STK32C: variants seen among roughly 807,000 people sequenced by gnomAD.
The protein encoded by STK32C is serine/threonine kinase 32C.
Under a neutral mutation model 56.5 loss-of-function variants are expected in STK32C, and 31 were observed. The observed-to-expected ratio is 0.55, with a 90% CI of 0.41 to 0.74. The LOEUF (loss-of-function observed/expected upper bound fraction) is 0.74. Among genes scored for constraint, STK32C ranks in the 30% least tolerant of loss-of-function variants. The probability of loss-of-function intolerance (pLI) is 0.00; values close to 1 mark genes in which losing one functional copy is unlikely to be tolerated. For synonymous variants in STK32C, 309 were observed against 289.4 expected (o/e 1.07, Z -0.69); for missense variants, 544 against 676.9 (o/e 0.80, Z 2.18).
At chr10:132,271,217 C>T (rs2064810469) in intron 1 of STK32C, among the ~76,000 whole-genome samples, 1 of 152,180 alleles carries the variant, frequency 6.6e-6, no homozygotes, top group African/African-American at 2.4e-5. Flanking sequence ...AAGAGTGTCC[C>T]TGGGCTCAGG....
chr10:132,313,856 C>A lies in STK32C; in HGVS notation c.301+17580G>T, dbSNP rs529098991. Among the ~76,000 whole-genome samples the A allele has an allele frequency of 2.6e-5, 4 of 152,348 alleles. No individual in the cohort carries two copies. In the South Asian group the frequency reaches 8.3e-4, roughly 32 times the overall value. ...TCATGAGCTCCGTGGAAGGTGCTAG[C>A]TCTGGCTTCCTGAAAGGCTGCTGAA... On this transcript the variant is annotated intron_variant, in intron 1 of 3. Transcript: ENST00000368620.
chr10:132,238,352 T>C (rs1348742369), intron 2 of STK32C, among the ~76,000 whole-genome samples: 1 of 152,044 alleles, frequency 6.6e-6, no homozygotes, highest in Non-Finnish European at 1.5e-5. Context: ...GACCGTTCGT[T>C]ATAGTTACCA....
Position 132,230,049 on chromosome 10 carries a change from G to A in STK32C, c.319-1921C>T, listed in dbSNP as rs1381591073. 3.9e-5 allele frequency among the ~76,000 whole-genome samples: 6 copies of A among 152,196 alleles called. No homozygotes were observed. The East Asian group carries it at 5.8e-4, about 15-fold the overall frequency. On this transcript the variant is annotated intron_variant, in intron 2 of 11. Coordinates refer to ENST00000298630, the MANE Select transcript of STK32C (RefSeq NM_173575.4). ...GCCCAGAGGCGCGTGTGCTGATGGG[G>A]GCTCCTGAACACGCGGCCACACCTG...
At chr10:132,318,255 G>T (rs1399859324) in intron 1 of STK32C, among the ~76,000 whole-genome samples, 4 of 151,238 alleles carry the variant, frequency 2.6e-5, no homozygotes, top group Non-Finnish European at 5.9e-5. Flanking sequence ...GCGACAGAAG[G>T]AGACTATGTC....
At chr10:132,294,511 G>A (rs560766695) in intron 1 of STK32C, among the ~76,000 whole-genome samples, 10 of 152,254 alleles carry the variant, frequency 6.6e-5, no homozygotes, top group South Asian at 4.1e-4. Context: ...TGACACTTTC[G>A]TAGCACAGGA....
At chr10:132,244,909 A>G (rs1034435560) in intron 2 of STK32C, among the ~76,000 whole-genome samples, 2 of 152,040 alleles carry the variant, frequency 1.3e-5, no homozygotes, top group South Asian at 4.1e-4. Context: ...ACCAGCAACA[A>G]AACGGTGCAG....
At chr10:132,258,876 G>A (rs1407467890) in intron 1 of STK32C, among the ~76,000 whole-genome samples, 3 of 152,270 alleles carry the variant, frequency 2.0e-5, no homozygotes, top group Non-Finnish European at 4.4e-5. Flanking sequence ...CAACATGAAG[G>A]TCTCCGCCCG....
chr10:132,263,166 A>G (rs12267732), intron 1 of STK32C, among the ~76,000 whole-genome samples: 19,257 of 152,242 alleles, frequency 0.13, 1,945 homozygotes, highest in African/African-American at 0.27. Context: ...TGCTAATCAC[A>G]ACAGCAATGA....
intron 1 of STK32C, among the ~76,000 whole-genome samples, chr10:132,324,637 G>T (rs745998916): frequency 1.3e-4 from 20 of 152,180 alleles, no homozygotes; most frequent in Non-Finnish European, 2.5e-4. Context: ...AAAAAAGACT[G>T]CCTTTCTTTT....
rs1335013398 is a variant in STK32C at position 132,207,899 on chromosome 10, C to T, written c.*111G>A. The stretch of plus-strand genomic sequence containing the variant: ...AATGTGTCCGGGGCACTGTGGGCAC[C>T]GCCAGCCAGGCTGGGTGGGAACGTG... On this transcript the variant is annotated 3_prime_UTR_variant, in exon 12 of 12. Transcript: ENST00000298630. 6.7e-6 allele frequency: 8 copies of T among 1,202,296 alleles called. No individual in the cohort carries two copies. Among genetic ancestry groups the T allele is most frequent in the Non-Finnish European group, 8.4e-6 (8 of 954,190 alleles). The allele number at this position is 1,202,296 out of a possible 1,614,324, so 74.5% of individuals were successfully genotyped here.
At chr10:132,308,181 A>C (rs1456623969), upstream of STK32C, among the ~76,000 whole-genome samples, 1 of 151,818 alleles carries the variant, frequency 6.6e-6, no homozygotes, top group African/African-American at 2.4e-5. Context: ...GGCCGCCACC[A>C]GTCTAGGGAT....
intron 2 of STK32C, among the ~76,000 whole-genome samples, chr10:132,235,718 C>A (rs1266559799): frequency 2.0e-5 from 3 of 151,978 alleles, no homozygotes; most frequent in Non-Finnish European, 4.4e-5. Context: ...CACAGAGTGA[C>A]CGGCGGTCAC....
At chr10:132,209,241 C>T (rs1393843589) in intron 10 of STK32C, 140 bp from the exon 11 acceptor site, 10 of 785,938 alleles carry the variant, frequency 1.3e-5, no homozygotes, top group African/African-American at 3.4e-5. Context: ...TGAAGTGCCC[C>T]GGCCCTCCAG....
chr10:132,292,620 T>A (rs987301552), intron 1 of STK32C, among the ~76,000 whole-genome samples: 2 of 152,228 alleles, frequency 1.3e-5, no homozygotes, highest in African/African-American at 2.4e-5. Context: ...CTCCCATGCT[T>A]GTGCTCATAC....
At chr10:132,236,968 C>G (rs1590215406) in intron 2 of STK32C, among the ~76,000 whole-genome samples, 1 of 152,210 alleles carries the variant, frequency 6.6e-6, no homozygotes, top group African/African-American at 2.4e-5. Flanking sequence ...ACTAGAAGAT[C>G]TTCAGCTTCC....
chr10:132,273,676 G>C (rs541368823), intron 1 of STK32C, among the ~76,000 whole-genome samples: 1 of 152,318 alleles, frequency 6.6e-6, no homozygotes, highest in Admixed American at 6.5e-5. Context: ...TAGCAAATGA[G>C]TAAATGAGAT....
intron 1 of STK32C, among the ~76,000 whole-genome samples, chr10:132,262,746 T>C (rs1393681144): frequency 4.4e-5 from 5 of 113,314 alleles, no homozygotes. Flanking sequence ...AGAGTGAGAC[T>C]CCATCTCAAA....
At chr10:132,318,275 A>G (rs532696097) in intron 1 of STK32C, among the ~76,000 whole-genome samples, 22 of 150,490 alleles carry the variant, frequency 1.5e-4, no homozygotes, top group South Asian at 8.4e-4. Context: ...CTCAAAAAAA[A>G]AGAGAGAGAG....
rs1179177863 is a variant in STK32C at position 132,331,504 on chromosome 10, GTC to G, written c.231_232del (p.Gln77HisfsTer55). ...TACTTCTCCAAAGAGGACGCTCTGA[GTC>G]TGCGTTCCCCTGGCAGCAAGTCCTG... is the stretch of plus-strand genomic sequence containing the variant. On this transcript the variant is annotated frameshift_variant, in exon 1 of 2. Coordinates refer to the STK32C transcript ENST00000368619. LOFTEE classifies it high-confidence loss of function. 1.9e-6 allele frequency: 3 copies of G among 1,612,908 alleles called. No individual in the cohort carries two copies. Among genetic ancestry groups the G allele is most frequent in the Non-Finnish European group, 2.5e-6 (3 of 1,179,882 alleles).
Sources: gnomAD v4.1 joint callset for allele counts (sites outside exome capture counted in the v4.1 genomes callset) on GRCh38, gnomAD v4.1.1 for gene constraint, MANE v1.5 for transcripts, NCBI Gene and HGNC (gene_info 2026-07-23, HGNC 2026-07-21) for gene names.